Variants in PCDH11X observed in about 807,000 individuals in gnomAD.
PCDH11X encodes protocadherin-11 X-linked.
Under a neutral mutation model 53.3 loss-of-function variants are expected in PCDH11X, and 18 were observed. The observed-to-expected ratio is 0.34, with a 90% CI of 0.23 to 0.50. The LOEUF (loss-of-function observed/expected upper bound fraction) is 0.50. PCDH11X is among the 20% of genes least tolerant of loss of function. The pLI is 0.98. For missense variants in PCDH11X, 570 were observed against 1,032.4 expected, an observed-to-expected ratio of 0.55 and a Z score of 6.14; for synonymous variants, 279 against 393.3, an observed-to-expected ratio of 0.71 and a Z score of 3.44.
Position 92,512,760 on chromosome X carries a change from A to G in PCDH11X, c.3367+44438A>G, listed in dbSNP as rs762180765. Among the ~76,000 whole-genome samples the G allele has an allele frequency of 9.6e-4, 107 of 111,985 alleles. 1 individual carries two copies. The highest frequency in any genetic ancestry group is 3.2e-3 in the African/African-American group (100 of 30,877). ...TTTTGAAATAAAGCTTGAAATTTTA[A>G]TACAAAGTAGAAGGCAACATCATGT... On this transcript the variant is annotated intron_variant, in intron 10 of 10. Transcript: ENST00000682573.
chrX:92,603,782 G>A (rs1182318277), intron 10 of PCDH11X, among the ~76,000 whole-genome samples: 50 of 97,023 alleles, frequency 5.2e-4, no homozygotes, highest in Non-Finnish European at 9.2e-4. Context: ...TCTTCCGACT[G>A]AAAGTCAGAG....
chrX:92,067,311 CTAT>C (rs2063625078), intron 6 of PCDH11X, among the ~76,000 whole-genome samples: 1 of 109,492 alleles, frequency 9.1e-6, no homozygotes, highest in African/African-American at 3.3e-5. Flanking sequence ...TCATTTATTG[CTAT>C]TATTATGTTG....
chrX:92,343,192 G>T (rs1412116099), intron 8 of PCDH11X, among the ~76,000 whole-genome samples: 3 of 112,049 alleles, frequency 2.7e-5, no homozygotes, highest in Non-Finnish European at 5.6e-5. Context: ...AAAGCTGTTT[G>T]GAAGGCCAAT....
rs1275088378 is a variant in PCDH11X at position 92,559,457 on chromosome X, A to ACG, written c.3368-58806_3368-58805insGC. ...AGTATCTTTACACACACACACACAC[A>ACG]CACACACACACACCACTGTCATAAG... On this transcript the variant is annotated intron_variant, in intron 10 of 10. Transcript: ENST00000682573. Among the ~76,000 whole-genome samples, 83 of 110,430 alleles carry ACG rather than the reference A, an allele frequency of 7.5e-4. 2 individuals carry two copies. The highest frequency in any genetic ancestry group is 5.7e-3 in the Admixed American group (59 of 10,291).
chrX:92,555,044 C>T lies in PCDH11X; in HGVS notation c.3368-63220C>T, dbSNP rs59486062. Among the ~76,000 whole-genome samples the T allele has an allele frequency of 3.2e-3, 353 of 111,644 alleles. 5 individuals carry two copies. In the East Asian group the frequency reaches 0.083, roughly 26 times the overall value. ...TATCAGAGCCTGAGTAGCAGGGTTT[C>T]GCGACGTATATTTTTGTTTCTGCAA... On this transcript the variant is annotated intron_variant, in intron 10 of 10. Transcript: ENST00000682573.
chrX:92,543,089 A>G (rs1187344656), intron 10 of PCDH11X, among the ~76,000 whole-genome samples: 10 of 106,922 alleles, frequency 9.4e-5, no homozygotes, highest in Non-Finnish European at 1.9e-5. Flanking sequence ...AAAAGGAACT[A>G]GTGAGATTAT....
intron 10 of PCDH11X, among the ~76,000 whole-genome samples, chrX:92,592,369 G>A (rs1701996715): frequency 9.2e-6 from 1 of 108,323 alleles, no homozygotes; most frequent in South Asian, 4.1e-4. Context: ...GAGACGCCTC[G>A]TGTGCCTGTT....
intron 9 of PCDH11X, among the ~76,000 whole-genome samples, chrX:92,425,076 T>C (rs2072074696): frequency 1.3e-5 from 1 of 74,768 alleles, no homozygotes; most frequent in Non-Finnish European, 3.6e-5. Flanking sequence ...CAAACTGATT[T>C]CAGCAGTGGC....
intron 6 of PCDH11X, among the ~76,000 whole-genome samples, chrX:92,099,109 T>A (rs1298024872): frequency 9.0e-6 from 1 of 111,448 alleles, no homozygotes; most frequent in Non-Finnish European, 1.9e-5. Flanking sequence ...TGCTCTCCTG[T>A]CTTAATCATA....
chrX:91,915,684 A>G (rs950549166), intron 6 of PCDH11X, among the ~76,000 whole-genome samples: 5 of 111,650 alleles, frequency 4.5e-5, no homozygotes, highest in African/African-American at 1.3e-4. Flanking sequence ...TCAAATTTAT[A>G]AAACAATTAC....
At chrX:91,998,359 A>G (rs1289243109) in intron 6 of PCDH11X, among the ~76,000 whole-genome samples, 2 of 111,431 alleles carry the variant, frequency 1.8e-5, no homozygotes, top group Non-Finnish European at 3.8e-5. Flanking sequence ...GATTCTTTGT[A>G]TCTTTGTGGT....
At chrX:92,061,539 A>G (rs1157856696) in intron 6 of PCDH11X, among the ~76,000 whole-genome samples, 6 of 108,300 alleles carry the variant, frequency 5.5e-5, no homozygotes, top group African/African-American at 2.1e-4. Context: ...TTCCGGCACC[A>G]TTTATTGAAT....
At chrX:92,038,894 T>G (rs2063169545) in intron 6 of PCDH11X, among the ~76,000 whole-genome samples, 1 of 110,654 alleles carries the variant, frequency 9.0e-6, no homozygotes, top group African/African-American at 3.3e-5. Flanking sequence ...TCCCCTTCTG[T>G]TATGATTATG....
intron 10 of PCDH11X, among the ~76,000 whole-genome samples, chrX:92,563,047 GTTTTTTTTTTTTTTTTTTTTTTTT>G (rs61411325): frequency 9.1e-5 from 4 of 43,858 alleles, no homozygotes; most frequent in Non-Finnish European, 1.5e-4. Flanking sequence ...CCTTGGTACC[GTTTTTTTTTTTTTTTTTTTTTTTT>G]TTTTTTTTTT....
chrX:91,986,298 G>A (rs905798105), intron 6 of PCDH11X, among the ~76,000 whole-genome samples: 3 of 111,617 alleles, frequency 2.7e-5, no homozygotes, highest in Admixed American at 9.5e-5. Context: ...AGTTAATAAA[G>A]ATTTAATTGA....
chrX:92,268,063 G>T (rs772354229), intron 8 of PCDH11X, among the ~76,000 whole-genome samples: 1 of 112,070 alleles, frequency 8.9e-6, no homozygotes, highest in South Asian at 3.7e-4. Flanking sequence ...AACCATAGCA[G>T]TAACACTGAG....
intron 6 of PCDH11X, among the ~76,000 whole-genome samples, chrX:92,092,126 C>G (rs1163863344): frequency 1.8e-5 from 2 of 111,640 alleles, no homozygotes; most frequent in African/African-American, 6.5e-5. Flanking sequence ...TAGGGTGTGA[C>G]TCCCCAGACC....
At chrX:91,990,099 A>G (rs2062296365) in intron 6 of PCDH11X, among the ~76,000 whole-genome samples, 1 of 109,299 alleles carries the variant, frequency 9.1e-6, no homozygotes, top group South Asian at 3.9e-4. Flanking sequence ...TGTTAAACCC[A>G]TCCACTGAGT....
At chrX:92,595,762 T>G (rs373674498) in intron 10 of PCDH11X, among the ~76,000 whole-genome samples, 922 of 68,530 alleles carry the variant, frequency 0.013, 27 homozygotes, top group African/African-American at 0.05. Flanking sequence ...CACTACCTCT[T>G]TCCTGAGGCC....
Sources: allele counts gnomAD v4.1 joint callset (sites outside exome capture counted in the v4.1 genomes callset), GRCh38; gene constraint gnomAD v4.1.1; transcripts MANE v1.5; gene names NCBI Gene and HGNC (gene_info 2026-07-23, HGNC 2026-07-21).